MBD5: variants seen among roughly 807,000 people sequenced by gnomAD.
The protein encoded by MBD5 is methyl-CpG binding domain protein 5.
Under a neutral mutation model 117.3 loss-of-function variants are expected in MBD5, and 13 were observed. That is an observed-to-expected ratio of 0.11 (90% CI 0.07 to 0.18). The LOEUF (loss-of-function observed/expected upper bound fraction) is 0.18, where lower values mean the gene tolerates loss of function less well. MBD5 is among the 10% of genes least tolerant of loss of function. The probability of loss-of-function intolerance (pLI) is 1.00; values close to 1 mark genes in which losing one functional copy is unlikely to be tolerated. For synonymous variants in MBD5, 727 were observed against 766.4 expected (o/e 0.95, Z 0.85); for missense variants, 1,879 against 2,093.8 (o/e 0.90, Z 2.00).
At chr2:148,235,951 A>G (rs906666882) in intron 3 of MBD5, among the ~76,000 whole-genome samples, 5 of 152,018 alleles carry the variant, frequency 3.3e-5, no homozygotes, top group African/African-American at 1.2e-4. Context: ...GGCATGCGCT[A>G]TCACACCAGG....
At chr2:148,045,264 G>A (rs974267331) in intron 1 of MBD5, among the ~76,000 whole-genome samples, 1 of 152,100 alleles carries the variant, frequency 6.6e-6, no homozygotes, top group African/African-American at 2.4e-5. Context: ...TTACAGATGA[G>A]AAAGCATATT....
At chr2:148,093,336 A>G (rs1372744618) in intron 1 of MBD5, among the ~76,000 whole-genome samples, 3 of 152,196 alleles carry the variant, frequency 2.0e-5, no homozygotes, top group Non-Finnish European at 4.4e-5. Flanking sequence ...GGAAACTCCT[A>G]AGGTTGTCTT....
At chr2:148,494,687 C>G (rs1007042011) in intron 11 of MBD5, among the ~76,000 whole-genome samples, 1 of 152,162 alleles carries the variant, frequency 6.6e-6, no homozygotes, top group Non-Finnish European at 1.5e-5. Flanking sequence ...CTGGGCCGGG[C>G]GCGGTGGCTC....
Position 148,021,472 on chromosome 2 carries a change from C to CTGCTGCTGT in MBD5, c.-1128_-1120dup, listed in dbSNP as rs1434155009. On this transcript the variant is annotated 5_prime_UTR_variant, in exon 1 of 14. Coordinates refer to ENST00000642680, the MANE Select transcript of MBD5 (RefSeq NM_001378120.1). The stretch of plus-strand genomic sequence containing the variant: ...CCCTTTGCTGCTGCTGTTGCTGCTG[C>CTGCTGCTGT]TGCTGCTGTTGCTGCTGCTGCTGCT... 3 of 577,994 alleles carry CTGCTGCTGT rather than the reference C, an allele frequency of 5.2e-6. No homozygotes were observed. Among genetic ancestry groups the CTGCTGCTGT allele is most frequent in the Non-Finnish European group, 6.6e-6 (2 of 301,272 alleles). The allele number at this position is 577,994 out of a possible 1,614,324, so 35.8% of individuals were successfully genotyped here.
Position 148,513,064 on chromosome 2 carries a change from C to T in MBD5, c.*123C>T. 5.1e-6 allele frequency: 5 copies of T among 988,074 alleles called. No individual in the cohort carries two copies. The South Asian group carries it at 6.8e-5, about 13-fold the overall frequency. 61.2% of individuals were successfully genotyped at this position (988,074 alleles called of 1,614,324 possible). On this transcript the variant is annotated 3_prime_UTR_variant, in exon 14 of 14. Coordinates refer to ENST00000642680, the MANE Select transcript of MBD5 (RefSeq NM_001378120.1). ...AGACTATGGCAGATAGCTACCACCACCACAGGGTGCTAAAAGAAACAGTGA... is the reference window on the plus strand; with the variant it reads ...AGACTATGGCAGATAGCTACCACCATCACAGGGTGCTAAAAGAAACAGTGA...
intron 3 of MBD5, among the ~76,000 whole-genome samples, chr2:148,286,306 T>TA (rs1402684113): frequency 6.6e-6 from 1 of 152,234 alleles, no homozygotes; most frequent in Non-Finnish European, 1.5e-5. Flanking sequence ...ATTTGACTTT[T>TA]AATATATAAC....
chr2:148,028,533 T>C (rs908953763), intron 1 of MBD5: 13 of 152,214 alleles, frequency 8.5e-5, no homozygotes, highest in African/African-American at 3.1e-4. Flanking sequence ...AGTCCAGAAG[T>C]ATCTACTAAT....
At chr2:148,471,853 C>T (rs1317589211) in intron 8 of MBD5, 1 of 152,024 alleles carries the variant, frequency 6.6e-6, no homozygotes, top group Non-Finnish European at 1.5e-5. Context: ...TTTTCACTCA[C>T]TCATCATATT....
intron 1 of MBD5, among the ~76,000 whole-genome samples, chr2:148,094,538 AT>A (rs1411530721): frequency 1.3e-5 from 2 of 152,196 alleles, no homozygotes; most frequent in Non-Finnish European, 2.9e-5. Context: ...ACTTGAGGAA[AT>A]CATTTTCATA....
chr2:148,275,524 G>A (rs1701087415), intron 3 of MBD5, among the ~76,000 whole-genome samples: 1 of 152,186 alleles, frequency 6.6e-6, no homozygotes, highest in African/African-American at 2.4e-5. Context: ...GTATCCCAAA[G>A]CAGTCTAGGG....
chr2:148,088,511 C>A (rs936878251), intron 1 of MBD5, among the ~76,000 whole-genome samples: 2 of 152,160 alleles, frequency 1.3e-5, no homozygotes, highest in African/African-American at 4.8e-5. Flanking sequence ...TAGCAGATTT[C>A]TCAGCAGAAA....
chr2:148,500,703 G>A (rs966037578), intron 11 of MBD5, among the ~76,000 whole-genome samples: 1 of 152,056 alleles, frequency 6.6e-6, no homozygotes, highest in Non-Finnish European at 1.5e-5. Flanking sequence ...GAGGTCCCTC[G>A]CTACACCAGT....
At chr2:148,412,442 T>C (rs994680294) in intron 4 of MBD5, among the ~76,000 whole-genome samples, 1 of 151,942 alleles carries the variant, frequency 6.6e-6, no homozygotes, top group Non-Finnish European at 1.5e-5. Context: ...GCTGTTTGGG[T>C]GCTTCTTTGG....
rs115372861 is a variant in MBD5 at position 148,348,837 on chromosome 2, A to G, written c.-557+6501A>G. Among the ~76,000 whole-genome samples the G allele has an allele frequency of 9.7e-4, 148 of 151,966 alleles. 1 individual carries two copies. Among genetic ancestry groups the G allele is most frequent in the African/African-American group, 3.0e-3 (126 of 41,502 alleles). ...CACCAGAAAGTTGTCCAGTTTTCCT[A>G]TCTTGCTCACAGTTCAGAACTGGTT... On this transcript the variant is annotated intron_variant, in intron 4 of 13. Transcript: ENST00000642680.
intron 3 of MBD5, among the ~76,000 whole-genome samples, chr2:148,287,636 C>A (rs1701394208): frequency 6.6e-6 from 1 of 152,192 alleles, no homozygotes; most frequent in Admixed American, 6.5e-5. Context: ...CATGATCCTG[C>A]AGACTGGGAA....
At chr2:148,340,583 T>C (rs768426748) in intron 3 of MBD5, among the ~76,000 whole-genome samples, 1 of 152,092 alleles carries the variant, frequency 6.6e-6, no homozygotes, top group African/African-American at 2.4e-5. Context: ...ATCCAATTCA[T>C]TGGCTATCAT....
chr2:148,239,017 T>TACACACAC (rs200414694), intron 3 of MBD5, among the ~76,000 whole-genome samples: 3 of 96,608 alleles, frequency 3.1e-5, no homozygotes, highest in African/African-American at 1.1e-4. Context: ...ATATATATTA[T>TACACACAC]ATACACACAC....
intron 2 of MBD5, among the ~76,000 whole-genome samples, chr2:148,211,152 G>C (rs984490156): frequency 2.6e-5 from 4 of 152,114 alleles, no homozygotes; most frequent in African/African-American, 4.8e-5. Flanking sequence ...GATAGATTTA[G>C]GGGGACTTTG....
chr2:148,166,677 C>G (rs1270498211), intron 1 of MBD5, among the ~76,000 whole-genome samples: 1 of 152,128 alleles, frequency 6.6e-6, no homozygotes, highest in Non-Finnish European at 1.5e-5. Context: ...GGGTACTTCT[C>G]CACCTCCTTG....
Sources: allele counts gnomAD v4.1 joint callset (sites outside exome capture counted in the v4.1 genomes callset), GRCh38; gene constraint gnomAD v4.1.1; transcripts MANE v1.5; gene names NCBI Gene and HGNC (gene_info 2026-07-23, HGNC 2026-07-21).